The following RNF180 variants were observed in gnomAD, a reference collection of about 807,000 sequenced individuals.
RNF180 encodes the protein E3 ubiquitin-protein ligase RNF180.
In RNF180, 38 loss-of-function variants were observed where a neutral mutation model predicts 59.2. That is an observed-to-expected ratio of 0.64 (90% confidence interval 0.50 to 0.84). The LOEUF (loss-of-function observed/expected upper bound fraction) is 0.84. Among genes scored for constraint, RNF180 ranks in the 40% least tolerant of loss-of-function variants. RNF180 has a pLI of 0.00. For missense variants in RNF180, 705 were observed against 700.9 expected, an observed-to-expected ratio of 1.01 and a Z score of -0.07; for synonymous variants, 262 against 240.3, an observed-to-expected ratio of 1.09 and a Z score of -0.84.
intron 5 of RNF180, among the ~76,000 whole-genome samples, chr5:64,292,085 A>G (rs1742622155): frequency 6.6e-6 from 1 of 152,066 alleles, no homozygotes; most frequent in Non-Finnish European, 1.5e-5. Context: ...ATGCTCCTTT[A>G]GCTTAGCAAA....
intron 5 of RNF180, among the ~76,000 whole-genome samples, chr5:64,265,531 G>A (rs1561227100): frequency 6.6e-6 from 1 of 152,096 alleles, no homozygotes; most frequent in Non-Finnish European, 1.5e-5. Flanking sequence ...AAGATCAGAT[G>A]GCTGTAGATG....
At position 64,371,251 on chromosome 5, in the gene RNF180, C is replaced by T. The variant is rs1419038858; in HGVS notation, c.*1437C>T. On this transcript the variant is annotated 3_prime_UTR_variant, in exon 8 of 8. Transcript: ENST00000389100. ...GAACACTAAGTACAATTTAGAAACACAGATAAATTTATACTTATAAATGGA... is the reference window on the plus strand; with the variant it reads ...GAACACTAAGTACAATTTAGAAACATAGATAAATTTATACTTATAAATGGA... 6.6e-6 allele frequency: 1 copy of T among 151,468 alleles called. No homozygotes were observed. The highest frequency in any genetic ancestry group is 1.9e-4 in the East Asian group (1 of 5,158). 9.4% of individuals were successfully genotyped at this position (151,468 alleles called of 1,614,324 possible). A position where few individuals can be genotyped will look rare whatever the true frequency, so the allele number is the denominator to read the frequency against.
At chr5:64,243,776 C>G (rs759633438) in intron 5 of RNF180, among the ~76,000 whole-genome samples, 2 of 152,158 alleles carry the variant, frequency 1.3e-5, no homozygotes, top group Non-Finnish European at 2.9e-5. Context: ...GGGTCCCTGA[C>G]CCCCGAGTCT....
In RNF180 at chr5:64,320,912, C is replaced by A. The variant is rs767341685; in HGVS notation, c.1228-4274C>A. Among the ~76,000 whole-genome samples the A allele has an allele frequency of 1.0e-3, 157 of 152,172 alleles. 1 individual carries two copies. Among genetic ancestry groups the A allele is most frequent in the Non-Finnish European group, 2.0e-3 (133 of 67,984 alleles). On this transcript the variant is annotated intron_variant, in intron 5 of 7. Coordinates refer to ENST00000389100, the MANE Select transcript of RNF180 (RefSeq NM_001113561.2). The stretch of plus-strand genomic sequence containing the variant: ...AATTAGCCGGGCGAGGTGGCGGGCA[C>A]CTGTAGTCCCAGCCACTCGGGAGGC...
At position 64,357,054 on chromosome 5, in the gene RNF180, C is replaced by T. The variant is rs150045555; in HGVS notation, c.1580-12561C>T. Among the ~76,000 whole-genome samples the T allele has an allele frequency of 1.7e-4, 25 of 151,108 alleles. No homozygotes were observed. The East Asian group carries it at 2.9e-3, about 18-fold the overall frequency. ...TTCAATTCTTACCTGGTTATTGAAC[C>T]GAAACAAAAAAATGTGTAATGTAGC... On this transcript the variant is annotated intron_variant, in intron 7 of 7. Transcript: ENST00000389100.
Position 64,249,430 on chromosome 5 carries a change from A to G in RNF180, c.1227+32034A>G, listed in dbSNP as rs72752820. Among the ~76,000 whole-genome samples the G allele has an allele frequency of 6.0e-3, 913 of 152,282 alleles. 9 individuals are homozygous for G. The highest frequency in any genetic ancestry group is 0.026 in the South Asian group (127 of 4,828). ...ATGATTTAGTCAAAGTGCTAAAGGA[A>G]AATACACTATTGTGAATACTATACT... On this transcript the variant is annotated intron_variant, in intron 5 of 7. Transcript: ENST00000389100.
chr5:64,179,038 C>T (rs1033568412), intron 1 of RNF180, among the ~76,000 whole-genome samples: 7 of 152,112 alleles, frequency 4.6e-5, no homozygotes, highest in Non-Finnish European at 1.5e-5. Context: ...TGTTGCTGCT[C>T]CTTCCCCACT....
chr5:64,290,609 A>G (rs1742528322), intron 5 of RNF180, among the ~76,000 whole-genome samples: 2 of 152,104 alleles, frequency 1.3e-5, no homozygotes, highest in African/African-American at 4.8e-5. Flanking sequence ...TTTTTGTTGA[A>G]TTGAACCATT....
chr5:64,195,651 CT>C (rs1250967444), intron 1 of RNF180, among the ~76,000 whole-genome samples: 1 of 152,126 alleles, frequency 6.6e-6, no homozygotes, highest in Non-Finnish European at 1.5e-5. Flanking sequence ...AAACATCAAA[CT>C]TTTAAGTAAA....
At chr5:64,256,272 G>A (rs1278611981) in intron 5 of RNF180, among the ~76,000 whole-genome samples, 2 of 152,106 alleles carry the variant, frequency 1.3e-5, no homozygotes, top group Non-Finnish European at 2.9e-5. Context: ...TGAAGTCCTT[G>A]CCCGTGCCTA....
chr5:64,304,250 C>T (rs1443262517), intron 5 of RNF180, among the ~76,000 whole-genome samples: 1 of 151,622 alleles, frequency 6.6e-6, no homozygotes, highest in Non-Finnish European at 1.5e-5. Context: ...GCTAATAAAA[C>T]ATACATTCTG....
At chr5:64,215,639 ATACT>A (rs2112127719) in intron 4 of RNF180, among the ~76,000 whole-genome samples, 1 of 152,302 alleles carries the variant, frequency 6.6e-6, no homozygotes, top group African/African-American at 2.4e-5. Flanking sequence ...TCATTATAAC[ATACT>A]TCATAGTTTA....
intron 7 of RNF180, among the ~76,000 whole-genome samples, chr5:64,365,949 T>A (rs905743430): frequency 5.9e-5 from 9 of 151,566 alleles, no homozygotes; most frequent in African/African-American, 1.2e-4. Context: ...TGCCTTTTTT[T>A]AACTGGTATT....
At chr5:64,303,311 A>C (rs985247777) in intron 5 of RNF180, among the ~76,000 whole-genome samples, 5 of 151,622 alleles carry the variant, frequency 3.3e-5, no homozygotes, top group African/African-American at 1.2e-4. Context: ...CTAAGTGTTC[A>C]TGTGAAAGGA....
Position 64,214,474 on chromosome 5 carries a change from T to C in RNF180, c.1148T>C (p.Leu383Pro). ...AGAGAAAGGAGCAAGTTGAAGAATC[T>C]AAGAAGGAAACAACGAAGGCGTGAA... ...NKRERSKLKN[L>P]RRKQRRRERW... Residue 383 changes from leucine (L) to proline (P), a missense_variant, in exon 4 of 8, where the codon CTA becomes CCA. Physicochemically the swap from Leu to Pro is moderately conservative, Grantham distance 98. Transcript: ENST00000389100. The C allele has an allele frequency of 6.2e-7, 1 of 1,613,866 alleles. No homozygotes were observed. Among genetic ancestry groups the C allele is most frequent in the Non-Finnish European group, 8.5e-7 (1 of 1,179,818 alleles).
In RNF180 at chr5:64,301,898, G is replaced by A. The variant is rs929794713; in HGVS notation, c.1228-23288G>A. On this transcript the variant is annotated intron_variant, in intron 5 of 7. Coordinates refer to ENST00000389100, the MANE Select transcript of RNF180 (RefSeq NM_001113561.2). The stretch of plus-strand genomic sequence containing the variant: ...TTGAAGGTTAATAGGGCAGCAAAGT[G>A]TGATTCTTTTACCAGGGAATGAGAA... 4.0e-5 allele frequency among the ~76,000 whole-genome samples: 6 copies of A among 151,722 alleles called. No homozygotes were observed. The East Asian group carries it at 1.2e-3, about 29-fold the overall frequency.
At chr5:64,219,680 AT>A (rs112730954) in intron 5 of RNF180, among the ~76,000 whole-genome samples, 50,133 of 147,710 alleles carry the variant, frequency 0.34, 9,269 homozygotes, top group African/African-American at 0.51. Flanking sequence ...CGCTCAGCTA[AT>A]TTTTTTTTTT....
intron 6 of RNF180, among the ~76,000 whole-genome samples, chr5:64,327,964 A>G (rs1335401124): frequency 6.6e-6 from 1 of 152,144 alleles, no homozygotes; most frequent in Non-Finnish European, 1.5e-5. Context: ...ATACATTTTT[A>G]TAATATTTAT....
At chr5:64,187,240 A>G (rs1294119810) in intron 1 of RNF180, among the ~76,000 whole-genome samples, 5 of 152,174 alleles carry the variant, frequency 3.3e-5, no homozygotes, top group South Asian at 2.1e-4. Context: ...TTAAGAACCT[A>G]TGGGACAGGA....
Sources: allele counts gnomAD v4.1 joint callset (sites outside exome capture counted in the v4.1 genomes callset), GRCh38; gene constraint gnomAD v4.1.1; transcripts MANE v1.5; gene names NCBI Gene and HGNC (gene_info 2026-07-23, HGNC 2026-07-21).